The following BST1 variants were observed in gnomAD, a reference collection of about 807,000 sequenced individuals.
BST1 encodes the protein ADP-ribosyl cyclase/cyclic ADP-ribose hydrolase 2.
In BST1, 49 loss-of-function variants were observed where a neutral mutation model predicts 40.6. The observed-to-expected ratio is 1.21, with a 90% confidence interval of 0.96 to 1.53. The LOEUF is 1.53. Among genes scored for constraint, BST1 ranks in the 40% most tolerant of loss-of-function variants. BST1 has a pLI of 0.00. For synonymous variants in BST1, 157 were observed against 159.3 expected (o/e 0.99, Z 0.11); for missense variants, 423 against 395.9 (o/e 1.07, Z -0.58).
At chr4:15,765,538 C>T in the BST1 span, among the ~76,000 whole-genome samples, 88 of 152,054 alleles carry the variant, frequency 5.8e-4, 1 homozygote, top group East Asian at 0.011. Context: ...TGCCTATCTC[C>T]GGGTCCCAAA....
chr4:15,763,781 C>G, the BST1 span, among the ~76,000 whole-genome samples: 3 of 151,890 alleles, frequency 2.0e-5, no homozygotes, highest in Non-Finnish European at 4.4e-5. Context: ...CATAAAGGAA[C>G]CTTAAATGCA....
chr4:15,718,836 T>G, intron 6 of BST1, 71 bp from the exon 7 acceptor site: 2 of 1,339,752 alleles, frequency 1.5e-6, no homozygotes, highest in South Asian at 1.3e-5. Context: ...GAAATTATGT[T>G]TAACCCAGAA....
At chr4:15,718,861 C>A in intron 6 of BST1, 46 bp from the exon 7 acceptor site, 1 of 1,527,498 alleles carries the variant, frequency 6.5e-7, no homozygotes, top group Non-Finnish European at 9.0e-7. Flanking sequence ...CTTCCTCTTC[C>A]TCCTCTTATT....
intron 3 of BST1, among the ~76,000 whole-genome samples, chr4:15,707,870 TATATACAC>T (rs1305966731): frequency 2.9e-4 from 43 of 146,486 alleles, no homozygotes; most frequent in African/African-American, 6.8e-4. Flanking sequence ...TATATATATA[TATATACAC>T]ATATATATAC....
chr4:15,746,529 A>C, the BST1 span, among the ~76,000 whole-genome samples: 1 of 152,314 alleles, frequency 6.6e-6, no homozygotes, highest in East Asian at 1.9e-4. Context: ...AAGTGTGCCA[A>C]ACTCATCATT....
chr4:15,771,598 GACAAA>G, the BST1 span, among the ~76,000 whole-genome samples: 557 of 152,320 alleles, frequency 3.7e-3, 5 homozygotes, highest in African/African-American at 0.013. Context: ...CAGAAAGGAA[GACAAA>G]ACAAACTTGA....
downstream of BST1, among the ~76,000 whole-genome samples, chr4:15,739,881 G>C (rs1374470915): frequency 6.6e-6 from 1 of 151,748 alleles, no homozygotes; most frequent in Non-Finnish European, 1.5e-5. Context: ...AGGGAGGGAG[G>C]GAAGTCGGTG....
chr4:15,706,779 C>T (rs1719900414), intron 2 of BST1, among the ~76,000 whole-genome samples: 1 of 152,180 alleles, frequency 6.6e-6, no homozygotes. Flanking sequence ...ACTTTTTAAC[C>T]TTCTGTTTCA....
intron 3 of BST1, among the ~76,000 whole-genome samples, chr4:15,709,749 G>T (rs1720082775): frequency 1.3e-5 from 2 of 152,116 alleles, no homozygotes; most frequent in Non-Finnish European, 2.9e-5. Context: ...GGGGCCAGCA[G>T]CAATGGTGAT....
the BST1 span, among the ~76,000 whole-genome samples, chr4:15,751,772 T>G: frequency 6.6e-6 from 1 of 152,074 alleles, no homozygotes; most frequent in African/African-American, 2.4e-5. Flanking sequence ...CATCTATGTA[T>G]AGATGTACTG....
At chr4:15,719,096 T>G (rs1174875263) in intron 7 of BST1, 103 bp downstream of exon 7, 1 of 1,005,758 alleles carries the variant, frequency 9.9e-7, no homozygotes, top group African/African-American at 1.7e-5. Flanking sequence ...CTGAAGGCCA[T>G]GGTGTCTTCC....
the BST1 span, among the ~76,000 whole-genome samples, chr4:15,751,437 GA>G: frequency 1.3e-5 from 2 of 152,116 alleles, no homozygotes; most frequent in Admixed American, 6.5e-5. Context: ...TACCATGAAA[GA>G]AGACAGGTAT....
At chr4:15,748,126 T>C in the BST1 span, among the ~76,000 whole-genome samples, 3 of 152,236 alleles carry the variant, frequency 2.0e-5, no homozygotes, top group Non-Finnish European at 4.4e-5. Flanking sequence ...TTCTTTCTTA[T>C]CCAGCCTTGT....
chr4:15,748,391 G>A, the BST1 span, among the ~76,000 whole-genome samples: 7 of 152,138 alleles, frequency 4.6e-5, no homozygotes, highest in African/African-American at 1.7e-4. Context: ...CCAGGCAAAG[G>A]GAGCTGCTAT....
chr4:15,737,920 C>T, exon 7 of BST1: 1 of 723,278 alleles, frequency 1.4e-6, no homozygotes, highest in Non-Finnish European at 2.1e-6. Context: ...TGCATGCCTG[C>T]CTAGTCCAGC....
At chr4:15,762,957 A>G in the BST1 span, among the ~76,000 whole-genome samples, 1 of 152,050 alleles carries the variant, frequency 6.6e-6, no homozygotes, top group African/African-American at 2.4e-5. Context: ...CCATTGGTGA[A>G]TATGATGGAT....
At chr4:15,723,278 G>A (rs767087360) in intron 8 of BST1, among the ~76,000 whole-genome samples, 6 of 152,010 alleles carry the variant, frequency 3.9e-5, no homozygotes, top group East Asian at 1.9e-4. Context: ...GCAGAGTCTC[G>A]CTCTATCGCC....
At chr4:15,716,509 G>T (rs1720523530) in intron 6 of BST1, among the ~76,000 whole-genome samples, 1 of 152,152 alleles carries the variant, frequency 6.6e-6, no homozygotes, top group Non-Finnish European at 1.5e-5. Flanking sequence ...CCCAAGGAGT[G>T]CAGGTCCCAT....
At chr4:15,723,014 A>G in intron 8 of BST1, 80 bp downstream of exon 8, 3 of 1,313,240 alleles carry the variant, frequency 2.3e-6, no homozygotes, top group Non-Finnish European at 3.3e-6. Context: ...ACAAACATGA[A>G]CATATTATCA....
Sources: gnomAD v4.1 joint callset for allele counts (sites outside exome capture counted in the v4.1 genomes callset) on GRCh38, gnomAD v4.1.1 for gene constraint, MANE v1.5 for transcripts, NCBI Gene and HGNC (gene_info 2026-07-23, HGNC 2026-07-21) for gene names.